RASGEF1A: variants seen among roughly 807,000 people sequenced by gnomAD.
RASGEF1A encodes RasGEF domain family member 1A.
Under a neutral mutation model 56.4 loss-of-function variants are expected in RASGEF1A, and 18 were observed. That is an observed-to-expected ratio of 0.32 (90% CI 0.22 to 0.47). RASGEF1A has a LOEUF of 0.47. Among genes scored for constraint, RASGEF1A ranks in the 20% least tolerant of loss-of-function variants. The pLI, the probability that RASGEF1A is intolerant of heterozygous loss-of-function variation, is 1.00. For synonymous variants in RASGEF1A, 245 were observed against 242.6 expected (o/e 1.01, Z -0.09); for missense variants, 422 against 627.1 (o/e 0.67, Z 3.49).
intron 1 of RASGEF1A, among the ~76,000 whole-genome samples, chr10:43,248,526 C>T (rs1185705275): frequency 6.6e-6 from 1 of 152,192 alleles, no homozygotes; most frequent in Non-Finnish European, 1.5e-5. Flanking sequence ...CGATGACCAA[C>T]ATCCCACTAC....
chr10:43,207,984 G>T (rs974986835), intron 1 of RASGEF1A: 1 of 931,150 alleles, frequency 1.1e-6, no homozygotes, highest in African/African-American at 1.8e-5. Context: ...GCCAGAAGTG[G>T]CTGTATCATT....
chr10:43,223,179 T>C (rs557885290), intron 1 of RASGEF1A, among the ~76,000 whole-genome samples: 97 of 152,210 alleles, frequency 6.4e-4, no homozygotes, highest in African/African-American at 2.1e-3. Flanking sequence ...GACCAAGATA[T>C]GTGAAAAACT....
intron 1 of RASGEF1A, among the ~76,000 whole-genome samples, chr10:43,248,167 C>T (rs1167251820): frequency 1.3e-5 from 2 of 150,842 alleles, no homozygotes; most frequent in African/African-American, 4.9e-5. Context: ...ACCAGCCTGA[C>T]AAACATGGTG....
intron 4 of RASGEF1A, among the ~76,000 whole-genome samples, chr10:43,201,439 C>G (rs758753136): frequency 5.3e-5 from 8 of 152,150 alleles, no homozygotes; most frequent in Non-Finnish European, 1.2e-4. Flanking sequence ...AATGGGAGAC[C>G]GGTTTAAAGC....
chr10:43,240,864 T>C (rs912764095), intron 1 of RASGEF1A, among the ~76,000 whole-genome samples: 4 of 152,172 alleles, frequency 2.6e-5, no homozygotes, highest in African/African-American at 4.8e-5. Flanking sequence ...ATCCTAAAAG[T>C]TCAACAAACT....
Position 43,197,022 on chromosome 10 carries a change from C to T in RASGEF1A, c.1302G>A (p.Lys434=). The T allele has an allele frequency of 1.2e-6, 2 of 1,614,140 alleles. No homozygotes were observed. Among genetic ancestry groups the T allele is most frequent in the Admixed American group, 1.7e-5 (1 of 60,028 alleles). ...TQVECPFEKD[K]KIQSYLLTAP... ...CCGTGAGCAGGTAACTCTGAATCTT[C>T]TTGTCCTTCTCGAAAGGACACTCTA... is the stretch of plus-strand genomic sequence containing the variant. The change falls in exon 11 of 13, where the codon AAG becomes AAA. Residue 434 remains lysine, a synonymous_variant. Coordinates refer to ENST00000395810, the MANE Select transcript of RASGEF1A (RefSeq NM_145313.4).
At chr10:43,243,805 C>G (rs2133220239) in intron 1 of RASGEF1A, among the ~76,000 whole-genome samples, 1 of 151,650 alleles carries the variant, frequency 6.6e-6, no homozygotes, top group Non-Finnish European at 1.5e-5. Context: ...TGAGGAGCAC[C>G]TCTGCCCGGC....
At chr10:43,203,718 T>G in intron 2 of RASGEF1A, 4 of 1,133,756 alleles carry the variant, frequency 3.5e-6, no homozygotes, top group Non-Finnish European at 4.3e-6. Context: ...ACCATAGGGC[T>G]AACCCCAGCC....
At chr10:43,216,648 G>A (rs114770042) in intron 1 of RASGEF1A, among the ~76,000 whole-genome samples, 1,700 of 152,320 alleles carry the variant, frequency 0.011, 38 homozygotes, top group African/African-American at 0.038. Flanking sequence ...AGAGAAGGCC[G>A]TTGGGATGTG....
At chr10:43,237,347 C>A (rs1459813785) in intron 1 of RASGEF1A, among the ~76,000 whole-genome samples, 1 of 152,090 alleles carries the variant, frequency 6.6e-6, no homozygotes, top group Non-Finnish European at 1.5e-5. Flanking sequence ...TCCTGCTTCA[C>A]CTGCCCTCCA....
chr10:43,222,957 T>C (rs1287703808), intron 1 of RASGEF1A, among the ~76,000 whole-genome samples: 2 of 152,238 alleles, frequency 1.3e-5, no homozygotes, highest in African/African-American at 4.8e-5. Flanking sequence ...TATTAGAATG[T>C]TGTGCTAAAT....
intron 1 of RASGEF1A, among the ~76,000 whole-genome samples, chr10:43,253,260 T>C (rs1055023858): frequency 1.3e-5 from 2 of 152,178 alleles, no homozygotes; most frequent in African/African-American, 2.4e-5. Flanking sequence ...GTGTGTGGAT[T>C]TGAGGTCCTT....
intron 1 of RASGEF1A, among the ~76,000 whole-genome samples, chr10:43,264,409 A>G (rs1836588154): frequency 6.6e-6 from 1 of 150,578 alleles, no homozygotes; most frequent in Non-Finnish European, 1.5e-5. Context: ...ACCAGTGGGT[A>G]TCAGAGGCCC....
rs372472772 is a variant in RASGEF1A at position 43,200,896 on chromosome 10, G to A, written c.460-8C>T. ...CTTCACTGTGCCATTCTCCTGTGGG[G>A]TCAAGGGCAATAAGGGTGCCAGCAT... On this transcript the variant is annotated splice_region_variant and splice_polypyrimidine_tract_variant and intron_variant, in intron 4 of 12. Transcript: ENST00000395810. The A allele has an allele frequency of 8.1e-6, 13 of 1,611,966 alleles. No individual in the cohort carries two copies. The African/African-American group carries it at 1.1e-4, about 13-fold the overall frequency.
intron 1 of RASGEF1A, among the ~76,000 whole-genome samples, chr10:43,251,678 G>C (rs1840629164): frequency 6.6e-6 from 1 of 152,196 alleles, no homozygotes; most frequent in South Asian, 2.1e-4. Context: ...TGCGAAACGT[G>C]CTTGTTGAGC....
intron 1 of RASGEF1A, among the ~76,000 whole-genome samples, chr10:43,237,521 C>A (rs1840446904): frequency 6.6e-6 from 1 of 151,576 alleles, no homozygotes; most frequent in Non-Finnish European, 1.5e-5. Flanking sequence ...CTCCTGACCC[C>A]GGCTCCTCCT....
chr10:43,251,547 T>C (rs1435401159), intron 1 of RASGEF1A, among the ~76,000 whole-genome samples: 1 of 152,176 alleles, frequency 6.6e-6, no homozygotes, highest in Non-Finnish European at 1.5e-5. Context: ...TCAGTGTGCA[T>C]GATGGACGCC....
intron 1 of RASGEF1A, among the ~76,000 whole-genome samples, chr10:43,245,625 T>A (rs544338558): frequency 2.0e-5 from 3 of 152,150 alleles, no homozygotes; most frequent in African/African-American, 7.2e-5. Flanking sequence ...TAGATCAACA[T>A]ACAAAGATCA....
chr10:43,196,377 C>G lies in RASGEF1A; in HGVS notation c.1421+99G>C, dbSNP rs907964970. The G allele has an allele frequency of 6.4e-7, 1 of 1,552,990 alleles. No homozygotes were observed. The highest frequency in any genetic ancestry group is 1.7e-5 in the Admixed American group (1 of 59,690). Reference sequence around the variant, plus strand: ...CACCAGGGACCCTGGACCAGGGACGCGGCAGTGCCCAGGCTCCCTTTCCAG... The same window carrying G: ...CACCAGGGACCCTGGACCAGGGACGGGGCAGTGCCCAGGCTCCCTTTCCAG... On this transcript the variant is annotated intron_variant, in intron 12 of 12. Transcript: ENST00000395810. This position sits in a 1 kb window ranked among gnomAD's most constrained non-coding sequence, Gnocchi z 4.6.
Sources: allele counts gnomAD v4.1 joint callset (sites outside exome capture counted in the v4.1 genomes callset), GRCh38; gene constraint gnomAD v4.1.1; non-coding constraint Gnocchi (gnomAD v3.1); transcripts MANE v1.5; gene names NCBI Gene and HGNC (gene_info 2026-07-23, HGNC 2026-07-21).